EFHC2: variants seen among roughly 807,000 people sequenced by gnomAD.
EFHC2 encodes the protein EF-hand domain-containing family member C2.
EFHC2 carries 18 observed loss-of-function variants against 52.7 expected under a neutral mutation model. The ratio of observed to expected loss-of-function variants is 0.34; its 90% CI spans 0.24 to 0.51. EFHC2 has a LOEUF of 0.51. EFHC2 is among the 20% of genes least tolerant of loss of function. EFHC2 has a pLI of 0.97. For synonymous variants in EFHC2, 203 were observed against 204.1 expected (o/e 0.99, Z 0.04); for missense variants, 513 against 562.5 (o/e 0.91, Z 0.89).
intron 14 of EFHC2, among the ~76,000 whole-genome samples, chrX:44,151,904 G>A (rs777858197): frequency 9.0e-6 from 1 of 111,596 alleles, no homozygotes; most frequent in African/African-American, 3.3e-5. Context: ...CTGTAAATAC[G>A]GTTCTATATA....
At chrX:44,236,465 A>C (rs2037320981) in intron 8 of EFHC2, among the ~76,000 whole-genome samples, 1 of 112,640 alleles carries the variant, frequency 8.9e-6, no homozygotes, top group Non-Finnish European at 1.9e-5. Flanking sequence ...TAAGCAGAGA[A>C]GTCTTCCCTT....
chrX:44,258,811 G>A lies in EFHC2; in HGVS notation c.606+2264C>T, dbSNP rs769358288. Among the ~76,000 whole-genome samples the A allele has an allele frequency of 2.2e-3, 240 of 108,728 alleles. 1 individual carries two copies. The highest frequency in any genetic ancestry group is 3.0e-3 in the Non-Finnish European group (155 of 52,379). The allele number at this position is 108,728 out of a possible 115,157, so 94.4% of individuals were successfully genotyped here. On this transcript the variant is annotated intron_variant, in intron 4 of 14. Transcript: ENST00000420999. Reference sequence around the variant, plus strand: ...GCAGAGTTTGCAGTGAGCCAAGATCGCGCCACTGCACTACAGCCTGGTCAA... The same window carrying A: ...GCAGAGTTTGCAGTGAGCCAAGATCACGCCACTGCACTACAGCCTGGTCAA...
chrX:44,320,339 A>G (rs2038010465), intron 1 of EFHC2, among the ~76,000 whole-genome samples: 1 of 112,015 alleles, frequency 8.9e-6, no homozygotes, highest in East Asian at 2.8e-4. Flanking sequence ...GACCTGTGTC[A>G]CATCCACAGT....
chrX:44,249,363 TATAAC>T (rs1262489849), intron 5 of EFHC2, among the ~76,000 whole-genome samples: 1 of 111,686 alleles, frequency 9.0e-6, no homozygotes, highest in Non-Finnish European at 1.9e-5. Flanking sequence ...AGAAAGAAAA[TATAAC>T]ATAGAGCTTT....
At chrX:44,235,761 C>G (rs1032732047) in intron 8 of EFHC2, among the ~76,000 whole-genome samples, 11 of 112,516 alleles carry the variant, frequency 9.8e-5, no homozygotes, top group Non-Finnish European at 2.1e-4. Flanking sequence ...CAAGGCTAGT[C>G]ACCAATCACA....
intron 4 of EFHC2, among the ~76,000 whole-genome samples, chrX:44,252,995 G>A (rs2037463713): frequency 9.0e-6 from 1 of 111,153 alleles, no homozygotes; most frequent in Admixed American, 9.5e-5. Flanking sequence ...GCTGAAGCAG[G>A]GTGGGGCATC....
intron 1 of EFHC2, among the ~76,000 whole-genome samples, chrX:44,313,812 G>A (rs766044374): frequency 7.3e-5 from 8 of 110,122 alleles, no homozygotes; most frequent in African/African-American, 1.7e-4. Context: ...AAAATTAGCC[G>A]GGCATGGTGG....
At chrX:44,201,490 A>G (rs1165132119) in intron 11 of EFHC2, among the ~76,000 whole-genome samples, 1 of 112,187 alleles carries the variant, frequency 8.9e-6, no homozygotes, top group African/African-American at 3.2e-5. Flanking sequence ...CAACTCTAGT[A>G]AAATTGATTT....
intron 1 of EFHC2, among the ~76,000 whole-genome samples, chrX:44,314,677 C>G (rs764718322): frequency 9.0e-6 from 1 of 111,378 alleles, no homozygotes; most frequent in East Asian, 2.8e-4. Context: ...CAAGTCAGTC[C>G]CAGATCCCCA....
At chrX:44,188,343 T>C (rs1347751504) in intron 11 of EFHC2, among the ~76,000 whole-genome samples, 1 of 111,846 alleles carries the variant, frequency 8.9e-6, no homozygotes, top group Non-Finnish European at 1.9e-5. Context: ...CAATAATAAT[T>C]TGATTACTAA....
At chrX:44,250,824 C>T (rs1463457388) in intron 4 of EFHC2, among the ~76,000 whole-genome samples, 2 of 61,282 alleles carry the variant, frequency 3.3e-5, no homozygotes, top group Non-Finnish European at 2.7e-5. Flanking sequence ...GACTCCATTT[C>T]GAAAAAAAAA....
chrX:44,233,625 C>T (rs901243258), intron 9 of EFHC2, among the ~76,000 whole-genome samples: 5 of 111,724 alleles, frequency 4.5e-5, no homozygotes, highest in African/African-American at 1.3e-4. Flanking sequence ...AAGACACAGG[C>T]TTCCGAGCTC....
At chrX:44,164,117 AC>A in intron 13 of EFHC2, 90 bp from the exon 14 acceptor site, 1 of 481,600 alleles carries the variant, frequency 2.1e-6, no homozygotes, top group Non-Finnish European at 3.3e-6. Context: ...AAAACATAAT[AC>A]CATATATGCT....
chrX:44,312,813 A>T, intron 1 of EFHC2, 57 bp from the exon 2 acceptor site: 1 of 1,040,844 alleles, frequency 9.6e-7, no homozygotes, highest in Non-Finnish European at 1.3e-6. Flanking sequence ...GACTTTTCTA[A>T]CCTGTTTGTA....
chrX:44,305,090 C>T (rs1218925884), intron 2 of EFHC2, among the ~76,000 whole-genome samples: 8 of 109,342 alleles, frequency 7.3e-5, no homozygotes, highest in Non-Finnish European at 1.5e-4. Context: ...GGCGAAATCC[C>T]GTCTCTACTA....
At chrX:44,160,921 CAA>C (rs771046918) in intron 14 of EFHC2, among the ~76,000 whole-genome samples, 2 of 90,445 alleles carry the variant, frequency 2.2e-5, no homozygotes, top group Non-Finnish European at 4.5e-5. Flanking sequence ...GACTTCGTCT[CAA>C]AAAAAAAAAA....
At chrX:44,328,787 T>C (rs1208970684) in intron 1 of EFHC2, among the ~76,000 whole-genome samples, 2 of 111,146 alleles carry the variant, frequency 1.8e-5, no homozygotes, top group East Asian at 5.6e-4. Context: ...CAGCCTCTGA[T>C]TGGTTGCTTT....
Position 44,178,516 on chromosome X carries a change from A to G in EFHC2, c.1800T>C (p.Phe600=). 1 of 1,203,933 alleles carries G rather than the reference A, an allele frequency of 8.3e-7. No individual in the cohort carries two copies. Among genetic ancestry groups the G allele is most frequent in the African/African-American group, 1.7e-5 (1 of 57,720 alleles). ...CACGGTAGTGACGTGCAATGGTTAC[A>G]AATTCTTGCTCTGCAAGGTTTCCAA... ...LTVGNLAEQE[F]VTIARHYRVP... The change falls in exon 12 of 15, where the codon TTT becomes TTC. Residue 600 remains phenylalanine (F), a synonymous_variant. Transcript: ENST00000420999.
At chrX:44,182,107 C>T (rs1048738415) in intron 11 of EFHC2, among the ~76,000 whole-genome samples, 5 of 111,618 alleles carry the variant, frequency 4.5e-5, no homozygotes, top group African/African-American at 1.6e-4. Flanking sequence ...ACCCTCCTCC[C>T]TACCCAGAAT....
Sources: allele counts gnomAD v4.1 joint callset (sites outside exome capture counted in the v4.1 genomes callset), GRCh38; gene constraint gnomAD v4.1.1; transcripts MANE v1.5; gene names NCBI Gene and HGNC (gene_info 2026-07-23, HGNC 2026-07-21).